SDK1: variants seen among roughly 807,000 people sequenced by gnomAD.
SDK1 encodes protein sidekick-1.
Under a neutral mutation model 245.5 loss-of-function variants are expected in SDK1, and 157 were observed. The ratio of observed to expected loss-of-function variants is 0.64; its 90% CI spans 0.56 to 0.73. The LOEUF (loss-of-function observed/expected upper bound fraction) is 0.73. Ranked by LOEUF, SDK1 falls within the 30% of genes least tolerant of loss-of-function variation. SDK1 has a pLI of 0.00. For synonymous variants in SDK1, 1,647 were observed against 1,278.5 expected, an observed-to-expected ratio of 1.29 and a Z score of -6.15; for missense variants, 3,583 against 3,002.3, an observed-to-expected ratio of 1.19 and a Z score of -4.52.
At chr7:3,758,338 G>T (rs570436842) in intron 4 of SDK1, among the ~76,000 whole-genome samples, 1 of 151,720 alleles carries the variant, frequency 6.6e-6, no homozygotes, top group Non-Finnish European at 1.5e-5. Context: ...TTTGTTTTTT[G>T]GAATTTTTCT....
chr7:3,821,618 G>A, intron 5 of SDK1, 35 bp downstream of exon 5: 2 of 1,606,360 alleles, frequency 1.2e-6, no homozygotes, highest in East Asian at 2.2e-5. Flanking sequence ...AATTCTGCAA[G>A]CAATAAAATC....
intron 5 of SDK1, among the ~76,000 whole-genome samples, chr7:3,913,717 GT>G (rs1376391602): frequency 6.6e-6 from 1 of 152,066 alleles, no homozygotes; most frequent in Non-Finnish European, 1.5e-5. Flanking sequence ...TTCACCAGTG[GT>G]TTATTGACAT....
At chr7:3,475,945 T>G (rs1781336329) in intron 1 of SDK1, 1 of 152,680 alleles carries the variant, frequency 6.5e-6, no homozygotes, top group African/African-American at 2.4e-5. Flanking sequence ...CTGTTAGCAT[T>G]TAGTAGCTTT....
intron 1 of SDK1, among the ~76,000 whole-genome samples, chr7:3,347,060 C>A (rs1257045542): frequency 6.6e-6 from 1 of 151,470 alleles, no homozygotes; most frequent in Non-Finnish European, 1.5e-5. Flanking sequence ...TAAATTCTTG[C>A]TGTTCCCTGA....
At chr7:3,545,824 C>T (rs1316623658) in intron 1 of SDK1, among the ~76,000 whole-genome samples, 1 of 152,164 alleles carries the variant, frequency 6.6e-6, no homozygotes, top group Non-Finnish European at 1.5e-5. Context: ...ACTTTGAAAT[C>T]TGAAAAGTGA....
At chr7:4,256,213 C>T (rs1006299712) in intron 44 of SDK1, among the ~76,000 whole-genome samples, 1 of 152,236 alleles carries the variant, frequency 6.6e-6, no homozygotes, top group African/African-American at 2.4e-5. Context: ...AGCCACTGCA[C>T]CCAGCCTTCA....
At chr7:3,431,369 T>G (rs1490455550) in intron 1 of SDK1, among the ~76,000 whole-genome samples, 3 of 151,134 alleles carry the variant, frequency 2.0e-5, no homozygotes, top group Admixed American at 6.6e-5. Flanking sequence ...TTTTTTTTTT[T>G]TTTTTTTTTT....
intron 1 of SDK1, among the ~76,000 whole-genome samples, chr7:3,326,494 G>A (rs1483189149): frequency 6.6e-6 from 1 of 152,050 alleles, no homozygotes; most frequent in Non-Finnish European, 1.5e-5. Context: ...ACAGTTGTCT[G>A]GTAATTCTGT....
chr7:3,791,098 C>T (rs958834675), intron 4 of SDK1, among the ~76,000 whole-genome samples: 2 of 151,860 alleles, frequency 1.3e-5, no homozygotes, highest in African/African-American at 4.8e-5. Context: ...TTATTTAATA[C>T]TCTTAAAGCT....
chr7:4,063,411 C>G (rs902016158), intron 19 of SDK1, among the ~76,000 whole-genome samples: 1 of 151,776 alleles, frequency 6.6e-6, no homozygotes, highest in Non-Finnish European at 1.5e-5. Flanking sequence ...AAGATCTCTA[C>G]AAAGAAAAAT....
Position 4,205,942 on chromosome 7 carries a change from C to T in SDK1, c.5162C>T (p.Thr1721Met), listed in dbSNP as rs542998020. Reference protein sequence around the residue: ...TPLTASQLEVTWDPPPPESQN... With the variant: ...TPLTASQLEVMWDPPPPESQN... Reference sequence around the variant, plus strand: ...CTCACGGCCAGCCAGCTGGAGGTCACGTGGGACCCACCACCCCCGGAGAGC... The same window carrying T: ...CTCACGGCCAGCCAGCTGGAGGTCATGTGGGACCCACCACCCCCGGAGAGC... Residue 1721 changes from threonine to methionine, a missense_variant, in exon 36 of 45, where the codon ACG (threonine) becomes ATG (methionine). Physicochemically the swap from Thr to Met is moderately conservative, Grantham distance 81. Transcript: ENST00000404826. 4.5e-6 allele frequency: 7 copies of T among 1,564,764 alleles called. No homozygotes were observed. The highest frequency in any genetic ancestry group is 2.4e-5 in the East Asian group (1 of 41,912).
At chr7:4,227,847 C>G (rs1442690927) in intron 40 of SDK1, among the ~76,000 whole-genome samples, 4 of 152,216 alleles carry the variant, frequency 2.6e-5, no homozygotes, top group Non-Finnish European at 2.9e-5. Context: ...TGTATTAGGA[C>G]ATTGTCTGGG....
At chr7:4,249,920 A>T (rs1345079318) in intron 44 of SDK1, among the ~76,000 whole-genome samples, 1 of 152,230 alleles carries the variant, frequency 6.6e-6, no homozygotes, top group African/African-American at 2.4e-5. Context: ...TACACAATTC[A>T]GTGGGTTTCA....
Position 4,268,879 on chromosome 7 carries a change from A to G in SDK1, c.*3495A>G, listed in dbSNP as rs925613333. 17 of 500,770 alleles carry G rather than the reference A, an allele frequency of 3.4e-5. No individual in the cohort carries two copies. Among genetic ancestry groups the G allele is most frequent in the Middle Eastern group, 7.1e-4 (1 of 1,404 alleles). The allele number at this position is 500,770 out of a possible 1,614,324, so 31.0% of individuals were successfully genotyped here. ...GTCAGGTCCCTAAACGTTCCCTACA[A>G]CTTTTTCTGAAATTGTGCAGAAAAA... On this transcript the variant is annotated 3_prime_UTR_variant, in exon 45 of 45. Coordinates refer to ENST00000404826, the MANE Select transcript of SDK1 (RefSeq NM_152744.4).
At position 4,149,363 on chromosome 7, in the gene SDK1, A is replaced by G; in HGVS notation, c.4525A>G (p.Ile1509Val). The G allele has an allele frequency of 6.3e-7, 1 of 1,593,062 alleles. No homozygotes were observed. Reference sequence around the variant, plus strand: ...CCCGGGCAGCGACGGGGCCTCCCCCATCCGGTACTTCACCATGCAGGTGCG... The same window carrying G: ...CCCGGGCAGCGACGGGGCCTCCCCCGTCCGGTACTTCACCATGCAGGTGCG... The part of the protein sequence containing the change: ...WVPGSDGASP[I>V]RYFTMQVREL... The change falls in exon 30 of 45, where the codon ATC becomes GTC. Residue 1509 changes from isoleucine (I) to valine (V), a missense_variant. Coordinates refer to ENST00000404826, the MANE Select transcript of SDK1 (RefSeq NM_152744.4).
intron 14 of SDK1, 50 bp downstream of exon 14, chr7:3,987,372 G>A (rs761402857): frequency 4.4e-6 from 7 of 1,594,988 alleles, no homozygotes; most frequent in Non-Finnish European, 6.0e-6. Flanking sequence ...AGATTTTTGT[G>A]TGTGCTCTTA....
chr7:3,772,509 T>C (rs1780432653), intron 4 of SDK1, among the ~76,000 whole-genome samples: 1 of 152,136 alleles, frequency 6.6e-6, no homozygotes, highest in Admixed American at 6.5e-5. Flanking sequence ...AAATGTGGGG[T>C]TAAAAACCAA....
chr7:3,368,502 G>C (rs1309375692), intron 1 of SDK1, among the ~76,000 whole-genome samples: 1 of 152,186 alleles, frequency 6.6e-6, no homozygotes, highest in African/African-American at 2.4e-5. Context: ...GGGATGGAGT[G>C]AAAATGATAA....
intron 1 of SDK1, among the ~76,000 whole-genome samples, chr7:3,520,463 T>C (rs770640230): frequency 5.9e-5 from 9 of 152,188 alleles, no homozygotes; most frequent in Non-Finnish European, 1.3e-4. Flanking sequence ...CTGTGTTTGG[T>C]GGTGCAGACT....
Sources: allele counts gnomAD v4.1 joint callset (sites outside exome capture counted in the v4.1 genomes callset), GRCh38; gene constraint gnomAD v4.1.1; transcripts MANE v1.5; gene names NCBI Gene and HGNC (gene_info 2026-07-23, HGNC 2026-07-21).